UHMK1: variants seen among roughly 807,000 people sequenced by gnomAD.
UHMK1 encodes serine/threonine-protein kinase Kist.
Under a neutral mutation model 44.0 loss-of-function variants are expected in UHMK1, and 18 were observed. The ratio of observed to expected loss-of-function variants is 0.41; its 90% CI spans 0.28 to 0.61. UHMK1 has a LOEUF of 0.61. UHMK1 is among the 20% of genes least tolerant of loss of function. The pLI is 0.31. For missense variants in UHMK1, 463 were observed against 522.5 expected, an observed-to-expected ratio of 0.89 and a Z score of 1.11; for synonymous variants, 231 against 198.5, an observed-to-expected ratio of 1.16 and a Z score of -1.38.
intron 6 of UHMK1, among the ~76,000 whole-genome samples, chr1:162,517,024 C>T (rs1481235733): frequency 6.6e-6 from 1 of 152,202 alleles, no homozygotes; most frequent in Non-Finnish European, 1.5e-5. Flanking sequence ...TGAGGCTGGG[C>T]GCAGTGGCTC....
intron 4 of UHMK1, among the ~76,000 whole-genome samples, chr1:162,508,872 T>A (rs1285335543): frequency 2.0e-5 from 3 of 152,034 alleles, no homozygotes; most frequent in Non-Finnish European, 4.4e-5. Context: ...CATGGTGTGA[T>A]CACAGCTCAC....
intron 7 of UHMK1, among the ~76,000 whole-genome samples, chr1:162,521,423 A>AG (rs1652055431): frequency 6.6e-6 from 1 of 152,148 alleles, no homozygotes; most frequent in Admixed American, 6.6e-5. Flanking sequence ...CAGGTAAAAA[A>AG]AAAATCAGGA....
intron 4 of UHMK1, among the ~76,000 whole-genome samples, chr1:162,504,963 C>T (rs955858474): frequency 2.0e-5 from 3 of 151,922 alleles, no homozygotes; most frequent in Non-Finnish European, 2.9e-5. Flanking sequence ...TTAGTAGAGA[C>T]GGGGTTTCAC....
chr1:162,510,611 C>CT (rs1651631265), intron 4 of UHMK1, among the ~76,000 whole-genome samples: 1 of 150,288 alleles, frequency 6.7e-6, no homozygotes, highest in African/African-American at 2.5e-5. Flanking sequence ...ATCATATTTT[C>CT]TTTTTTTACT....
At chr1:162,516,489 G>A (rs1651839326) in intron 6 of UHMK1, among the ~76,000 whole-genome samples, 1 of 152,148 alleles carries the variant, frequency 6.6e-6, no homozygotes, top group South Asian at 2.1e-4. Context: ...CAGGTAGGAA[G>A]GAGATACTTT....
intron 6 of UHMK1, among the ~76,000 whole-genome samples, chr1:162,515,261 G>A (rs1651795932): frequency 6.6e-6 from 1 of 152,074 alleles, no homozygotes. Flanking sequence ...TTATTTGAGA[G>A]GTAGTAGTTA....
chr1:162,509,414 C>T (rs12079305), intron 4 of UHMK1, among the ~76,000 whole-genome samples: 63,668 of 152,018 alleles, frequency 0.42, 13,628 homozygotes, highest in Non-Finnish European at 0.46. Flanking sequence ...TATGATTTTA[C>T]AAAGAACTGC....
chr1:162,507,261 A>C (rs1489476306), intron 4 of UHMK1, among the ~76,000 whole-genome samples: 2 of 151,916 alleles, frequency 1.3e-5, no homozygotes, highest in Non-Finnish European at 2.9e-5. Flanking sequence ...CTAGGATTAC[A>C]GGCTACTGCC....
intron 1 of UHMK1, 66 bp from the exon 2 acceptor site, chr1:162,499,889 G>C: frequency 2.7e-6 from 4 of 1,493,590 alleles, no homozygotes; most frequent in Non-Finnish European, 3.7e-6. Context: ...TTGTACTGCA[G>C]TTACCTACTT....
At chr1:162,515,765 T>C (rs1651812558) in intron 6 of UHMK1, among the ~76,000 whole-genome samples, 1 of 151,988 alleles carries the variant, frequency 6.6e-6, no homozygotes, top group Admixed American at 6.6e-5. Flanking sequence ...CCGGGCGTGG[T>C]GGCTCATGCC....
At chr1:162,521,614 C>T (rs757811577) in intron 7 of UHMK1, among the ~76,000 whole-genome samples, 16 of 152,048 alleles carry the variant, frequency 1.1e-4, no homozygotes, top group Non-Finnish European at 2.1e-4. Flanking sequence ...TGTGCTATCA[C>T]GCCCAGTTAG....
At chr1:162,510,333 A>G (rs1430838602) in intron 4 of UHMK1, among the ~76,000 whole-genome samples, 1 of 152,176 alleles carries the variant, frequency 6.6e-6, no homozygotes, top group Non-Finnish European at 1.5e-5. Flanking sequence ...AACTGTAATT[A>G]GGCATCTTTT....
intron 4 of UHMK1, among the ~76,000 whole-genome samples, chr1:162,504,872 T>G (rs1253994412): frequency 6.6e-6 from 1 of 152,124 alleles, no homozygotes; most frequent in Non-Finnish European, 1.5e-5. Flanking sequence ...CCTCCCAGAT[T>G]CAAGCGATTC....
rs1651432978 is a variant in UHMK1, at chr1:162,505,443, C to G, written c.848+1595C>G. 2.0e-5 allele frequency among the ~76,000 whole-genome samples: 3 copies of G among 152,246 alleles called. No individual in the cohort carries two copies. In the South Asian group the frequency reaches 6.2e-4, roughly 32 times the overall value. On this transcript the variant is annotated intron_variant, in intron 4 of 7. Transcript: ENST00000489294. The stretch of plus-strand genomic sequence containing the variant: ...AAATATATAGTTATAAATACATAAG[C>G]CAGTAACACAGCTATGTATTGTCAT...
In UHMK1 at chr1:162,512,745, G is replaced by A. The variant is rs547221285; in HGVS notation, c.946G>A (p.Val316Ile). Residue 316 changes from valine to isoleucine, a missense_variant, in exon 6 of 8, where the codon GTC becomes ATC. Val to Ile is a conservative substitution (Grantham distance 29). Around this residue, in one of 3 missense-constraint regions of UHMK1, gnomAD observed 264 missense variants for 326.3 expected, o/e 0.81. Transcript: ENST00000489294. ...AACAGCCCCTCATATTGAAGATCTG[G>A]TCATGCTTCCCACTCCAGTGCTAAG... ...IPFAPHIEDLVMLPTPVLRLL... is the reference protein window; with the variant it reads ...IPFAPHIEDLIMLPTPVLRLL... 90 of 1,613,970 alleles carry A rather than the reference G, an allele frequency of 5.6e-5. No homozygotes were observed. The highest frequency in any genetic ancestry group is 7.4e-5 in the Non-Finnish European group (87 of 1,180,014).
rs917632115 is a variant in UHMK1 at position 162,529,158 on chromosome 1, C to G, written c.*6608C>G. 5.9e-5 allele frequency: 9 copies of G among 152,068 alleles called. No individual in the cohort carries two copies. 9.4% of individuals were successfully genotyped at this position (152,068 alleles called of 1,614,324 possible). The stretch of plus-strand genomic sequence containing the variant: ...ATACATAGTGAATAGTTGTCTGTAA[C>G]ATTTCTACCAGTTGTTTCAGTAGCA... On this transcript the variant is annotated 3_prime_UTR_variant, in exon 8 of 8. Coordinates refer to ENST00000489294, the MANE Select transcript of UHMK1 (RefSeq NM_175866.5).
intron 1 of UHMK1, 143 bp from the exon 2 acceptor site, chr1:162,499,812 C>A: frequency 1.3e-6 from 1 of 745,578 alleles, no homozygotes; most frequent in Non-Finnish European, 2.1e-6. Flanking sequence ...AGATCTTATT[C>A]ATGGGAAAAA....
intron 6 of UHMK1, among the ~76,000 whole-genome samples, chr1:162,514,658 C>T (rs960641710): frequency 1.2e-4 from 18 of 152,116 alleles, no homozygotes; most frequent in African/African-American, 4.1e-4. Flanking sequence ...TATCTAAATG[C>T]AGTGACTAAG....
chr1:162,512,505 T>A lies in UHMK1; in HGVS notation c.854T>A (p.Leu285His). The change falls in exon 5 of 8, where the codon CTT becomes CAT. Residue 285 changes from leucine to histidine, a missense_variant. By Grantham distance (99) the Leu-to-His change is moderately conservative (BLOSUM62 -3). Transcript: ENST00000489294. The part of the protein sequence containing the change: ...YHLRDLIKSM[L>H]HDDPSRRIPA... Reference sequence around the variant, plus strand: ...CACCTATTTTTGTGTTTTAGCATGCTTCATGATGATCCAAGCAGAAGAATT... The same window carrying A: ...CACCTATTTTTGTGTTTTAGCATGCATCATGATGATCCAAGCAGAAGAATT... 1 of 1,609,766 alleles carries A rather than the reference T, an allele frequency of 6.2e-7. No homozygotes were observed. Among genetic ancestry groups the A allele is most frequent in the Non-Finnish European group, 8.5e-7 (1 of 1,179,070 alleles).
Sources: gnomAD v4.1 joint callset for allele counts (sites outside exome capture counted in the v4.1 genomes callset) on GRCh38, gnomAD v4.1.1 for gene constraint, gnomAD v4.1.1 regional missense constraint, MANE v1.5 for transcripts, NCBI Gene and HGNC (gene_info 2026-07-23, HGNC 2026-07-21) for gene names.